Variants in GALNTL6 observed in about 807,000 individuals in gnomAD.
GALNTL6 encodes the protein polypeptide N-acetylgalactosaminyltransferase like 6.
Under a neutral mutation model 73.7 loss-of-function variants are expected in GALNTL6, and 46 were observed. The ratio of observed to expected loss-of-function variants is 0.62; its 90% CI spans 0.49 to 0.80. The LOEUF (loss-of-function observed/expected upper bound fraction) is 0.80, where lower values mean the gene tolerates loss of function less well. Among genes scored for constraint, GALNTL6 ranks in the 30% least tolerant of loss-of-function variants. GALNTL6 has a pLI of 0.00. For missense variants in GALNTL6, 604 were observed against 755.0 expected (o/e 0.80, Z 2.34); for synonymous variants, 259 against 263.7 (o/e 0.98, Z 0.17).
At chr4:172,370,250 T>C (rs914246353) in intron 5 of GALNTL6, among the ~76,000 whole-genome samples, 5 of 152,142 alleles carry the variant, frequency 3.3e-5, no homozygotes, top group Non-Finnish European at 5.9e-5. Flanking sequence ...ACCTTCTGTA[T>C]GTAGCTTGAT....
intron 2 of GALNTL6, among the ~76,000 whole-genome samples, chr4:172,166,999 C>G (rs1237094799): frequency 6.6e-6 from 1 of 152,156 alleles, no homozygotes; most frequent in African/African-American, 2.4e-5. Context: ...AGACATGGCT[C>G]TACCAATAGT....
chr4:172,001,106 G>A (rs12508979), intron 2 of GALNTL6, among the ~76,000 whole-genome samples: 113,247 of 152,056 alleles, frequency 0.74, 42,783 homozygotes, highest in Admixed American at 0.84. Flanking sequence ...CATTGTAATC[G>A]TTGTAATTAG....
At chr4:172,007,120 T>TC (rs1341825693) in intron 2 of GALNTL6, among the ~76,000 whole-genome samples, 5 of 152,138 alleles carry the variant, frequency 3.3e-5, no homozygotes, top group Non-Finnish European at 5.9e-5. Flanking sequence ...TTAAATACAG[T>TC]CACATTTTGT....
intron 2 of GALNTL6, among the ~76,000 whole-genome samples, chr4:171,934,187 A>T (rs1248938809): frequency 6.6e-6 from 1 of 152,182 alleles, no homozygotes; most frequent in Non-Finnish European, 1.5e-5. Context: ...AAGGTAGATG[A>T]AACTAAGATT....
intron 2 of GALNTL6, among the ~76,000 whole-genome samples, chr4:171,924,451 A>G (rs768487194): frequency 6.6e-6 from 1 of 152,168 alleles, no homozygotes; most frequent in Non-Finnish European, 1.5e-5. Context: ...TTCAAGGAAG[A>G]GCAATGAGAC....
intron 2 of GALNTL6, among the ~76,000 whole-genome samples, chr4:171,994,429 G>A (rs1233839145): frequency 2.6e-5 from 4 of 152,042 alleles, no homozygotes; most frequent in Non-Finnish European, 5.9e-5. Context: ...CTAGATCAGA[G>A]CTGTGTCCTA....
intron 8 of GALNTL6, among the ~76,000 whole-genome samples, chr4:172,923,336 G>A (rs1392276985): frequency 2.0e-5 from 3 of 151,990 alleles, no homozygotes; most frequent in Admixed American, 6.6e-5. Context: ...TTATAAAGCC[G>A]TCAGCTCTCA....
intron 2 of GALNTL6, among the ~76,000 whole-genome samples, chr4:171,838,108 CTATTTATTTATT>C (rs57493491): frequency 2.7e-5 from 4 of 149,460 alleles, no homozygotes; most frequent in African/African-American, 7.4e-5. Context: ...TTGTTTCTGT[CTATTTATTTATT>C]TATTTATTTA....
chr4:172,164,986 C>A (rs1415515891), intron 2 of GALNTL6, among the ~76,000 whole-genome samples: 2 of 152,052 alleles, frequency 1.3e-5, no homozygotes, highest in Non-Finnish European at 2.9e-5. Flanking sequence ...CCTGTGCAGT[C>A]TAGCTTTTGC....
chr4:172,963,098 C>G (rs1348596724), intron 10 of GALNTL6, among the ~76,000 whole-genome samples: 2 of 152,134 alleles, frequency 1.3e-5, no homozygotes, highest in Admixed American at 6.5e-5. Flanking sequence ...CTCCTCACCC[C>G]CTGGCTTCCT....
intron 2 of GALNTL6, among the ~76,000 whole-genome samples, chr4:172,024,193 G>A (rs1056730132): frequency 3.3e-5 from 5 of 151,680 alleles, no homozygotes; most frequent in East Asian, 1.9e-4. Flanking sequence ...GAACTTTGTT[G>A]TAGTTTATTA....
chr4:172,307,324 T>C (rs1342513107), intron 3 of GALNTL6, among the ~76,000 whole-genome samples: 2 of 152,212 alleles, frequency 1.3e-5, no homozygotes, highest in Non-Finnish European at 2.9e-5. Flanking sequence ...ACTCTGCTGA[T>C]TATATCTTTC....
chr4:172,050,125 G>A, intron 2 of GALNTL6, among the ~76,000 whole-genome samples: 1 of 152,058 alleles, frequency 6.6e-6, no homozygotes, highest in Admixed American at 6.6e-5. Context: ...GGTAACTTTG[G>A]TTTTATTCCC....
intron 5 of GALNTL6, among the ~76,000 whole-genome samples, chr4:172,602,308 T>A (rs1042570219): frequency 2.0e-5 from 3 of 152,022 alleles, no homozygotes; most frequent in African/African-American, 7.2e-5. Flanking sequence ...TGGATAAACA[T>A]AACAGATGAC....
At chr4:172,082,056 T>C (rs1222757677) in intron 2 of GALNTL6, among the ~76,000 whole-genome samples, 1 of 151,948 alleles carries the variant, frequency 6.6e-6, no homozygotes, top group African/African-American at 2.4e-5. Context: ...TTCGTATTTT[T>C]AGTAAAGATG....
At chr4:171,946,954 A>T (rs1248314823) in intron 2 of GALNTL6, among the ~76,000 whole-genome samples, 1 of 152,046 alleles carries the variant, frequency 6.6e-6, no homozygotes, top group Non-Finnish European at 1.5e-5. Context: ...GGAAGTGAAA[A>T]TGTCTTGTTT....
At chr4:171,922,720 A>G (rs1484858079) in intron 2 of GALNTL6, among the ~76,000 whole-genome samples, 1 of 152,154 alleles carries the variant, frequency 6.6e-6, no homozygotes, top group African/African-American at 2.4e-5. Flanking sequence ...AACAAACTCA[A>G]TAGAATTGTT....
chr4:172,774,517 G>A (rs542616206), intron 5 of GALNTL6, among the ~76,000 whole-genome samples: 115 of 152,292 alleles, frequency 7.6e-4, no homozygotes, highest in Non-Finnish European at 1.4e-3. Context: ...CTTATGAAGG[G>A]AGCACACAGC....
intron 5 of GALNTL6, among the ~76,000 whole-genome samples, chr4:172,773,632 T>C (rs1266142895): frequency 3.3e-5 from 5 of 151,388 alleles, no homozygotes; most frequent in East Asian, 1.9e-4. Flanking sequence ...TTTTTTGTGC[T>C]GTTAATAAAT....
Sources: gnomAD v4.1 joint callset for allele counts (sites outside exome capture counted in the v4.1 genomes callset) on GRCh38, gnomAD v4.1.1 for gene constraint, MANE v1.5 for transcripts, NCBI Gene and HGNC (gene_info 2026-07-23, HGNC 2026-07-21) for gene names.